Variants in TENM2 observed in about 807,000 individuals in gnomAD.
TENM2 encodes teneurin transmembrane protein 2.
Under a neutral mutation model 245.2 loss-of-function variants are expected in TENM2, and 52 were observed. The observed-to-expected ratio is 0.21, with a 90% CI of 0.17 to 0.27. The LOEUF (loss-of-function observed/expected upper bound fraction) is 0.27, where lower values mean the gene tolerates loss of function less well. Ranked by LOEUF, TENM2 falls within the 10% of genes least tolerant of loss-of-function variation. TENM2 has a pLI of 1.00. For missense variants in TENM2, 3,046 were observed against 3,666.8 expected, an observed-to-expected ratio of 0.83 and a Z score of 4.37; for synonymous variants, 1,363 against 1,438.9, an observed-to-expected ratio of 0.95 and a Z score of 1.19.
At position 167,704,259 on chromosome 5, in the gene TENM2, C is replaced by A. The variant is rs181730563; in HGVS notation, c.503-171727C>A. ...AATCAGTCTTTTCACACTCTGGGTC[C>A]CTGTCTGAACAGAGGACTTTTATTT... On this transcript the variant is annotated intron_variant, in intron 2 of 28. Coordinates refer to ENST00000518659, the Ensembl canonical transcript of TENM2. Among the ~76,000 whole-genome samples, 197 of 152,256 alleles carry A rather than the reference C, an allele frequency of 1.3e-3. 6 individuals are homozygous for A. The highest frequency in any genetic ancestry group is 0.013 in the Admixed American group (195 of 15,292).
chr5:168,147,533 T>C (rs1164052477), intron 12 of TENM2, among the ~76,000 whole-genome samples: 2 of 152,194 alleles, frequency 1.3e-5, no homozygotes, highest in Non-Finnish European at 2.9e-5. Flanking sequence ...ACCAAAATGA[T>C]TCCAATTTTA....
intron 5 of TENM2, among the ~76,000 whole-genome samples, chr5:168,027,060 T>C (rs1228947330): frequency 6.6e-6 from 1 of 152,166 alleles, no homozygotes; most frequent in Non-Finnish European, 1.5e-5. Flanking sequence ...TCCCTCCACA[T>C]GGACTAGGCG....
chr5:167,465,775 A>G (rs928035903), intron 2 of TENM2, among the ~76,000 whole-genome samples: 1 of 152,096 alleles, frequency 6.6e-6, no homozygotes, highest in African/African-American at 2.4e-5. Flanking sequence ...AGCTTGCAGT[A>G]AGCGGAGATC....
At chr5:168,130,879 G>T (rs1754514801) in intron 12 of TENM2, among the ~76,000 whole-genome samples, 1 of 152,112 alleles carries the variant, frequency 6.6e-6, no homozygotes, top group African/African-American at 2.4e-5. Context: ...GACAGAGCGA[G>T]ATCCTGTCTC....
intron 2 of TENM2, among the ~76,000 whole-genome samples, chr5:167,815,164 C>A (rs140657183): frequency 6.6e-6 from 1 of 152,102 alleles, no homozygotes; most frequent in Non-Finnish European, 1.5e-5. Flanking sequence ...TCTGACATGT[C>A]GTATTAACCC....
rs144115773 is a variant in TENM2, at chr5:167,375,988, A to T, written c.502+515A>T. 3.8e-4 allele frequency among the ~76,000 whole-genome samples: 58 copies of T among 152,262 alleles called. No homozygotes were observed. In the East Asian group the frequency reaches 9.9e-3, roughly 26 times the overall value. On this transcript the variant is annotated intron_variant, in intron 2 of 28. Transcript: ENST00000518659. ...GCTTAATAATGACAAATAGGAAGAG[A>T]CTTGTCTTCAGAAAAAGAATTCTTT...
chr5:167,185,360 A>C, the TENM2 span, among the ~76,000 whole-genome samples: 2 of 152,202 alleles, frequency 1.3e-5, no homozygotes, highest in African/African-American at 4.8e-5. Context: ...AATGACCAAA[A>C]TAAATTACAT....
chr5:167,605,133 A>G (rs1245723194), intron 2 of TENM2, among the ~76,000 whole-genome samples: 1 of 152,156 alleles, frequency 6.6e-6, no homozygotes, highest in East Asian at 1.9e-4. Context: ...CCTAAAACAT[A>G]CTGAGCATTT....
the TENM2 span, among the ~76,000 whole-genome samples, chr5:167,243,498 G>C: frequency 1.3e-5 from 2 of 152,096 alleles, no homozygotes; most frequent in Non-Finnish European, 2.9e-5. Context: ...AGTCCTTGGA[G>C]ATGAGCTCAA....
chr5:167,835,274 G>A (rs1192408282), intron 2 of TENM2, among the ~76,000 whole-genome samples: 1 of 152,188 alleles, frequency 6.6e-6, no homozygotes, highest in East Asian at 1.9e-4. Flanking sequence ...TGGGGACAGG[G>A]AGAATTCATT....
chr5:168,080,433 A>C (rs1426802731), intron 7 of TENM2, among the ~76,000 whole-genome samples: 1 of 152,046 alleles, frequency 6.6e-6, no homozygotes, highest in Non-Finnish European at 1.5e-5. Context: ...TATCTCCTTC[A>C]GTTCTGCTCT....
chr5:167,350,367 G>A (rs1442786903), intron 1 of TENM2, among the ~76,000 whole-genome samples: 1 of 150,986 alleles, frequency 6.6e-6, no homozygotes, highest in Admixed American at 6.6e-5. Flanking sequence ...TGCATCATTT[G>A]GGATAAATTG....
intron 2 of TENM2, among the ~76,000 whole-genome samples, chr5:167,782,693 A>G (rs1417414324): frequency 6.6e-6 from 1 of 152,240 alleles, no homozygotes; most frequent in African/African-American, 2.4e-5. Context: ...GAGCAATTAA[A>G]GAGACAAAAA....
intron 1 of TENM2, among the ~76,000 whole-genome samples, chr5:167,358,005 G>T (rs565733165): frequency 2.0e-5 from 3 of 152,124 alleles, no homozygotes; most frequent in Non-Finnish European, 4.4e-5. Flanking sequence ...GCAACATCAC[G>T]GTCCCACTGG....
chr5:168,191,631 C>A (rs1205182096), intron 14 of TENM2, among the ~76,000 whole-genome samples: 1 of 151,362 alleles, frequency 6.6e-6, no homozygotes, highest in Admixed American at 6.6e-5. Flanking sequence ...ATTGTGCCAT[C>A]TTTGTCTTAT....
chr5:167,865,716 T>A (rs974752996), intron 2 of TENM2, among the ~76,000 whole-genome samples: 1 of 152,200 alleles, frequency 6.6e-6, no homozygotes, highest in East Asian at 1.9e-4. Flanking sequence ...AGCCAGTTTT[T>A]CCTCCAAGGA....
At chr5:167,679,036 A>T (rs78550750) in intron 2 of TENM2, among the ~76,000 whole-genome samples, 2,175 of 152,208 alleles carry the variant, frequency 0.014, 49 homozygotes, top group African/African-American at 0.05. Context: ...TTAAAAGAAA[A>T]CCCAAACACA....
chr5:168,112,326 A>G (rs1439804205), intron 9 of TENM2, among the ~76,000 whole-genome samples: 1 of 151,992 alleles, frequency 6.6e-6, no homozygotes, highest in Non-Finnish European at 1.5e-5. Context: ...TCACTCAGGT[A>G]TTAAGCCTAG....
intron 2 of TENM2, among the ~76,000 whole-genome samples, chr5:167,734,681 A>G (rs1228500041): frequency 1.3e-5 from 2 of 152,058 alleles, no homozygotes; most frequent in African/African-American, 4.8e-5. Flanking sequence ...TGTGGTCTGC[A>G]TTAAAGTGGG....
Sources: allele counts gnomAD v4.1 joint callset (sites outside exome capture counted in the v4.1 genomes callset), GRCh38; gene constraint gnomAD v4.1.1; transcripts MANE v1.5; gene names NCBI Gene and HGNC (gene_info 2026-07-23, HGNC 2026-07-21).